Variants in BOC observed in about 807,000 individuals in gnomAD.
BOC encodes brother of CDO.
In BOC, 76 loss-of-function variants were observed where a neutral mutation model predicts 112.0. That is an observed-to-expected ratio of 0.68 (90% confidence interval 0.56 to 0.82). The LOEUF (loss-of-function observed/expected upper bound fraction) is 0.82. Ranked by LOEUF, BOC falls within the 40% of genes least tolerant of loss-of-function variation. The pLI is 0.00. For missense variants in BOC, 1,309 were observed against 1,511.7 expected, an observed-to-expected ratio of 0.87 and a Z score of 2.22; for synonymous variants, 580 against 599.8, an observed-to-expected ratio of 0.97 and a Z score of 0.48.
At chr3:113,284,634 G>C (rs1576516264) in intron 17 of BOC, 67 bp downstream of exon 17, 1 of 1,549,742 alleles carries the variant, frequency 6.5e-7, no homozygotes, top group Non-Finnish European at 8.8e-7. Context: ...GGCTGCCTTG[G>C]GGGGCCTCCT....
Position 113,277,265 on chromosome 3 carries a change from T to G in BOC, c.1543-830T>G. ...GCACCAAGCTCACTGTGGGGCACTT[T>G]ATACAACTTCTCTCATTTAATCTTC... On this transcript the variant is annotated intron_variant, in intron 9 of 19. Transcript: ENST00000682979. 1.3e-5 allele frequency among the ~76,000 whole-genome samples: 2 copies of G among 152,222 alleles called. 1 individual carries two copies. The highest frequency in any genetic ancestry group is 2.9e-5 in the Non-Finnish European group (2 of 68,038).
At chr3:113,218,223 C>T (rs1939861084) in intron 2 of BOC, among the ~76,000 whole-genome samples, 1 of 152,220 alleles carries the variant, frequency 6.6e-6, no homozygotes, top group African/African-American at 2.4e-5. Flanking sequence ...TGGAACTGGA[C>T]TTCGGAAGAG....
chr3:113,222,231 C>T (rs1940823464), intron 2 of BOC, among the ~76,000 whole-genome samples: 3 of 152,192 alleles, frequency 2.0e-5, no homozygotes, highest in Non-Finnish European at 1.5e-5. Flanking sequence ...TTTTCTTCCT[C>T]ACTGTCTTCC....
At chr3:113,226,978 T>A (rs1469732489) in intron 2 of BOC, among the ~76,000 whole-genome samples, 2 of 152,208 alleles carry the variant, frequency 1.3e-5, no homozygotes, top group Non-Finnish European at 2.9e-5. Flanking sequence ...AAGACATCTA[T>A]ATTCTAGTTT....
At chr3:113,267,656 C>A (rs1319176968) in intron 4 of BOC, among the ~76,000 whole-genome samples, 1 of 152,232 alleles carries the variant, frequency 6.6e-6, no homozygotes. Context: ...CTGGTTATAA[C>A]CATGGCCGGC....
intron 12 of BOC, 106 bp from the exon 13 acceptor site, chr3:113,279,718 G>A: frequency 7.9e-7 from 1 of 1,267,432 alleles, no homozygotes; most frequent in Non-Finnish European, 1.1e-6. Context: ...TTGCTTTGGG[G>A]AAGGGCTGCC....
At chr3:113,286,110 A>G (rs932275035) in intron 19 of BOC, among the ~76,000 whole-genome samples, 25 of 152,086 alleles carry the variant, frequency 1.6e-4, no homozygotes, top group African/African-American at 6.0e-4. Flanking sequence ...CCTCCATGCT[A>G]GTCTCCTTAG....
At chr3:113,216,584 T>C (rs996057774) in intron 2 of BOC, among the ~76,000 whole-genome samples, 1 of 152,164 alleles carries the variant, frequency 6.6e-6, no homozygotes, top group African/African-American at 2.4e-5. Context: ...TAGGTTTGGG[T>C]GAGGAAAGCC....
chr3:113,279,618 T>G (rs1207278808), intron 12 of BOC, 163 bp downstream of exon 12: 1 of 821,596 alleles, frequency 1.2e-6, no homozygotes, highest in South Asian at 1.8e-5. Flanking sequence ...TCCTAAAGCC[T>G]TCTGCCTCCC....
chr3:113,284,701 A>G, intron 17 of BOC, 81 bp from the exon 18 acceptor site: 1 of 1,505,716 alleles, frequency 6.6e-7, no homozygotes, highest in Non-Finnish European at 9.2e-7. Context: ...TCAGGAGCAG[A>G]TGCTCCTGTT....
At chr3:113,279,522 A>T in intron 12 of BOC, 67 bp downstream of exon 12, 1 of 1,484,204 alleles carries the variant, frequency 6.7e-7, no homozygotes, top group Non-Finnish European at 9.2e-7. Context: ...CTGGAGGAGG[A>T]TGACGAGCCT....
intron 2 of BOC, among the ~76,000 whole-genome samples, chr3:113,235,569 A>C (rs1943314080): frequency 1.3e-5 from 2 of 152,170 alleles, no homozygotes; most frequent in Non-Finnish European, 2.9e-5. Context: ...GATTATTGTC[A>C]TTATCATCAA....
At chr3:113,227,252 G>A (rs191407751) in intron 2 of BOC, among the ~76,000 whole-genome samples, 2 of 152,332 alleles carry the variant, frequency 1.3e-5, no homozygotes, top group Admixed American at 1.3e-4. Flanking sequence ...GAAAAGTACT[G>A]TGTTCATAAG....
chr3:113,218,779 A>G (rs556707989), intron 2 of BOC, among the ~76,000 whole-genome samples: 18 of 152,254 alleles, frequency 1.2e-4, no homozygotes, highest in South Asian at 4.1e-4. Context: ...TTTTCATTCT[A>G]TAGGCTTCTG....
intron 6 of BOC, chr3:113,271,214 G>A (rs772511161): frequency 8.0e-6 from 5 of 627,668 alleles, no homozygotes; most frequent in African/African-American, 1.8e-5. Flanking sequence ...GTTACTTTGC[G>A]ATTGGGATGG....
chr3:113,267,025 G>T (rs1290737819), intron 4 of BOC, among the ~76,000 whole-genome samples: 2 of 152,214 alleles, frequency 1.3e-5, no homozygotes, highest in African/African-American at 4.8e-5. Flanking sequence ...GCAGAGGCAG[G>T]TGCAGTCTTG....
In BOC at chr3:113,273,304, C is replaced by T. The variant is rs758161859; in HGVS notation, c.1197C>T (p.Ser399=). The T allele has an allele frequency of 1.3e-6, 2 of 1,599,044 alleles. No individual in the cohort carries two copies. The highest frequency in any genetic ancestry group is 1.7e-6 in the Non-Finnish European group (2 of 1,168,462). ...GCATGGCCGAGAACGAGGTTGGGAG[C>T]GCCCATGCCGTAGTCCAGCTGCGGA... ...YQCMAENEVG[S]AHAVVQLRTS... The change falls in exon 8 of 20, where the codon AGC becomes AGT. Residue 399 remains serine (S), a synonymous_variant. Transcript: ENST00000682979.
At chr3:113,246,206 T>G (rs932215277) in intron 2 of BOC, among the ~76,000 whole-genome samples, 8 of 152,184 alleles carry the variant, frequency 5.3e-5, no homozygotes, top group Admixed American at 1.3e-4. Context: ...CTTTCTTTTT[T>G]TGTGTGTGTC....
intron 2 of BOC, among the ~76,000 whole-genome samples, chr3:113,219,755 A>G (rs963415443): frequency 2.6e-5 from 4 of 152,220 alleles, no homozygotes; most frequent in African/African-American, 9.6e-5. Context: ...CAGCAGCCCC[A>G]CAAGAGAAGC....
Sources: gnomAD v4.1 joint callset for allele counts (sites outside exome capture counted in the v4.1 genomes callset) on GRCh38, gnomAD v4.1.1 for gene constraint, MANE v1.5 for transcripts, NCBI Gene and HGNC (gene_info 2026-07-23, HGNC 2026-07-21) for gene names.